Variants in ZNF839 observed in about 807,000 individuals in gnomAD.
ZNF839 encodes renal carcinoma antigen NY-REN-50.
A neutral mutation model predicts 56.4 loss-of-function variants in ZNF839; 38 were observed. The ratio of observed to expected loss-of-function variants is 0.67; its 90% CI spans 0.52 to 0.88. The LOEUF is 0.88. Ranked by LOEUF, ZNF839 falls within the 40% of genes least tolerant of loss-of-function variation. The probability of loss-of-function intolerance (pLI) is 0.00; values close to 1 mark genes in which losing one functional copy is unlikely to be tolerated. For missense variants in ZNF839, 1,091 were observed against 1,177.6 expected, an observed-to-expected ratio of 0.93 and a Z score of 1.08; for synonymous variants, 486 against 493.5, an observed-to-expected ratio of 0.98 and a Z score of 0.20.
chr14:102,335,296 G>C (rs2073965755), intron 4 of ZNF839: 1 of 179,380 alleles, frequency 5.6e-6, no homozygotes, highest in Admixed American at 5.8e-5. Flanking sequence ...GCCCCAGCTG[G>C]CCTCTTCTGC....
At chr14:102,320,277 G>C (rs1030026410) in intron 1 of ZNF839, among the ~76,000 whole-genome samples, 2 of 152,224 alleles carry the variant, frequency 1.3e-5, no homozygotes, top group Non-Finnish European at 2.9e-5. Flanking sequence ...GCTGGGCCCT[G>C]TGCCTGGAAC....
chr14:102,327,294 C>G (rs2073468960), intron 2 of ZNF839, among the ~76,000 whole-genome samples: 1 of 152,082 alleles, frequency 6.6e-6, no homozygotes, highest in Non-Finnish European at 1.5e-5. Flanking sequence ...GCGCCCACCA[C>G]CACGCCTGGC....
At position 102,339,120 on chromosome 14, in the gene ZNF839, G is replaced by A. The variant is rs201573850; in HGVS notation, c.1824G>A (p.Val608=). The A allele has an allele frequency of 8.2e-5, 132 of 1,613,702 alleles. No homozygotes were observed. Among genetic ancestry groups the A allele is most frequent in the Admixed American group, 3.5e-4 (21 of 59,944 alleles). Residue 608 remains valine (V), a synonymous_variant, in exon 7 of 8, where the codon GTG becomes GTA. Coordinates refer to ENST00000442396, the MANE Select transcript of ZNF839 (RefSeq NM_018335.6). The part of the protein sequence containing the change: ...REAAEEGLAS[V]KRPRREALSN... Reference sequence around the variant, plus strand: ...CTGCGGAGGAGGGACTGGCCTCAGTGAAAAGGCCCAGAAGAGAAGCCCTGT... The same window carrying A: ...CTGCGGAGGAGGGACTGGCCTCAGTAAAAAGGCCCAGAAGAGAAGCCCTGT...
Position 102,341,461 on chromosome 14 carries a change from G to C in ZNF839, c.2066G>C (p.Gly689Ala). 1 of 1,596,248 alleles carries C rather than the reference G, an allele frequency of 6.3e-7. No homozygotes were observed. Among genetic ancestry groups the C allele is most frequent in the Non-Finnish European group, 8.5e-7 (1 of 1,170,144 alleles). The change falls in exon 8 of 8, where the codon GGG (glycine) becomes GCG (alanine). Residue 689 changes from glycine (G) to alanine (A), a missense_variant. Gly to Ala is a moderately conservative substitution (Grantham distance 60). Transcript: ENST00000442396. The stretch of plus-strand genomic sequence containing the variant: ...CTGGCTAACTTAGAAGCCAGGAGGG[G>C]GTCTATAGGTGCTGCTCTCTCATCC... Reference protein sequence around the residue: ...QALANLEARRGSIGAALSSRD... With the variant: ...QALANLEARRASIGAALSSRD...
Position 102,341,934 on chromosome 14 carries a change from T to C in ZNF839, c.2539T>C (p.Phe847Leu). The change falls in exon 8 of 8, where the codon TTC (phenylalanine) becomes CTC (leucine). Residue 847 changes from phenylalanine to leucine, a missense_variant. Phe to Leu is a conservative substitution (Grantham distance 22, BLOSUM62 0). Coordinates refer to ENST00000442396, the MANE Select transcript of ZNF839 (RefSeq NM_018335.6). Reference sequence around the variant, plus strand: ...AAGCCTTTCGGGGGACTTGAACCGGTTCCCCTGTGGGATGGAGGTGCACTC... The same window carrying C: ...AAGCCTTTCGGGGGACTTGAACCGGCTCCCCTGTGGGATGGAGGTGCACTC... ...LRSLSGDLNR[F>L]PCGMEVHSGQ... The C allele has an allele frequency of 6.2e-7, 1 of 1,614,022 alleles. No individual in the cohort carries two copies. The highest frequency in any genetic ancestry group is 8.5e-7 in the Non-Finnish European group (1 of 1,179,882).
At chr14:102,339,044 C>A (rs144288122) in intron 6 of ZNF839, 50 bp from the exon 7 acceptor site, 1 of 1,613,078 alleles carries the variant, frequency 6.2e-7, no homozygotes, top group East Asian at 2.2e-5. Context: ...GAGGAGGTAG[C>A]GGTTTGCCTA....
chr14:102,326,659 A>G lies in ZNF839; in HGVS notation c.963A>G (p.Ser321=). Residue 321 remains serine (S), a synonymous_variant, in exon 2 of 8, where the codon TCA becomes TCG. Transcript: ENST00000442396. The surrounding 1 kb of genome is among the most constrained non-coding windows in gnomAD (Gnocchi z 4.3). ...KSFKCQTCEK[S]YIGKGGLARH... is the part of the protein sequence containing the mutation. ...TTAAGTGTCAGACTTGTGAAAAGTC[A>G]TATATAGGGAAGGGGGGACTGGCCC... 1 of 1,612,938 alleles carries G rather than the reference A, an allele frequency of 6.2e-7. No individual in the cohort carries two copies. The highest frequency in any genetic ancestry group is 8.5e-7 in the Non-Finnish European group (1 of 1,179,484).
At chr14:102,320,115 G>T in intron 1 of ZNF839, 62 bp downstream of exon 1, 1 of 1,122,540 alleles carries the variant, frequency 8.9e-7, no homozygotes, top group Non-Finnish European at 1.1e-6. Context: ...CCCCGCGGCG[G>T]GGTAGCTGCT....
chr14:102,340,274 C>CTT, intron 7 of ZNF839, among the ~76,000 whole-genome samples: 1 of 128,518 alleles, frequency 7.8e-6, no homozygotes, highest in Non-Finnish European at 1.7e-5. Context: ...CTACGCCAGC[C>CTT]TTTTTTTTTT....
At chr14:102,334,839 C>T (rs972979923) in intron 4 of ZNF839, 193 bp downstream of exon 4, 4 of 239,110 alleles carry the variant, frequency 1.7e-5, no homozygotes, top group Middle Eastern at 1.5e-3. Context: ...AACTGCTGGT[C>T]TCTAGCAATC....
chr14:102,338,875 C>A lies in ZNF839; in HGVS notation c.1719C>A (p.Asn573Lys), dbSNP rs748658294. The A allele has an allele frequency of 1.6e-5, 26 of 1,613,926 alleles. No individual in the cohort carries two copies. Among genetic ancestry groups the A allele is most frequent in the Non-Finnish European group, 2.2e-5 (26 of 1,179,890 alleles). The change falls in exon 6 of 8, where the codon AAC becomes AAA. Residue 573 changes from asparagine to lysine, a missense_variant. Around this residue, in one of 3 missense-constraint regions of ZNF839, gnomAD observed 431 missense variants for 468.0 expected, o/e 0.92. Coordinates refer to ENST00000442396, the MANE Select transcript of ZNF839 (RefSeq NM_018335.6). ...FLRKKEIHPDNLGPKHLSRDM... is the reference protein window; with the variant it reads ...FLRKKEIHPDKLGPKHLSRDM... ...GGAAGAAAGAAATACACCCAGACAA[C>A]CTTGGACCCAAGCACCTCAGCCGAG...
In ZNF839 at chr14:102,331,793, C is replaced by T. The variant is rs2139535554; in HGVS notation, c.1363C>T (p.Pro455Ser). The T allele has an allele frequency of 6.3e-7, 1 of 1,594,456 alleles. No homozygotes were observed. The highest frequency in any genetic ancestry group is 8.5e-7 in the Non-Finnish European group (1 of 1,171,346). ...AAGAGCTGCTCAGCTACCTGGTGGC[C>T]CTGCTGCGGCAGGGGAGCAGAGGGC... Reference protein sequence around the residue: ...QRRAAQLPGGPAAAGEQRASP... With the variant: ...QRRAAQLPGGSAAAGEQRASP... Residue 455 changes from proline (P) to serine (S), a missense_variant, in exon 3 of 8, where the codon CCT becomes TCT. By Grantham distance (74) the Pro-to-Ser change is moderately conservative (BLOSUM62 -1). Coordinates refer to ENST00000442396, the MANE Select transcript of ZNF839 (RefSeq NM_018335.6).
chr14:102,327,931 C>T (rs1393776322), intron 2 of ZNF839, among the ~76,000 whole-genome samples: 3 of 152,122 alleles, frequency 2.0e-5, no homozygotes, highest in Non-Finnish European at 2.9e-5. Flanking sequence ...CCTGGGGGTG[C>T]TTCTGGAGTG....
At chr14:102,320,153 G>T in intron 1 of ZNF839, 100 bp downstream of exon 1, 3 of 1,043,184 alleles carry the variant, frequency 2.9e-6, no homozygotes, top group South Asian at 4.6e-5. Context: ...ATCCGCCCGG[G>T]TTAAGACTCA....
chr14:102,337,406 T>G, intron 5 of ZNF839: 1 of 152,044 alleles, frequency 6.6e-6, no homozygotes, highest in African/African-American at 2.4e-5. Context: ...TGACCTCAAG[T>G]GATCCGCCCG....
At position 102,319,996 on chromosome 14, in the gene ZNF839, C is replaced by T. The variant is rs1374580521; in HGVS notation, c.231C>T (p.Ala77=). The part of the protein sequence containing the change: ...RRLRDAAQQA[A]LQRGRGTEPP... ...TGCGGGACGCGGCCCAACAGGCCGC[C>T]CTGCAGCGGGGCCGGGGCACCGAGC... The change falls in exon 1 of 8, where the codon GCC becomes GCT. Residue 77 remains alanine (A), a synonymous_variant. Transcript: ENST00000442396. The surrounding 1 kb of genome is among the most constrained non-coding windows in gnomAD (Gnocchi z 4.5). The T allele has an allele frequency of 2.6e-6, 3 of 1,173,930 alleles. No homozygotes were observed. In the African/African-American group the frequency reaches 4.8e-5, roughly 19 times the overall value. The allele number at this position is 1,173,930 out of a possible 1,614,324, so 72.7% of individuals were successfully genotyped here. A position where few individuals can be genotyped will look rare whatever the true frequency, so the allele number is the denominator to read the frequency against.
rs1403895105 is a variant in ZNF839 at position 102,341,606 on chromosome 14, C to T, written c.2211C>T (p.Thr737=). The T allele has an allele frequency of 6.2e-6, 10 of 1,613,818 alleles. No individual in the cohort carries two copies. The African/African-American group carries it at 1.2e-4, about 19-fold the overall frequency. Residue 737 remains threonine, a synonymous_variant, in exon 8 of 8, where the codon ACC becomes ACT. Coordinates refer to ENST00000442396, the MANE Select transcript of ZNF839 (RefSeq NM_018335.6). The part of the protein sequence containing the change: ...NALEHSSDQD[T]WDSLRSPGFC... ...TGGAACACTCTTCAGACCAGGACAC[C>T]TGGGACAGCCTGAGGAGCCCGGGTT...
At position 102,319,780 on chromosome 14, in the gene ZNF839, G is replaced by A. The variant is rs1057229660; in HGVS notation, c.15G>A (p.Glu5=). The change falls in exon 1 of 8, where the codon GAG becomes GAA. Residue 5 remains glutamate, a synonymous_variant. Transcript: ENST00000442396. This position sits in a 1 kb window ranked among gnomAD's most constrained non-coding sequence, Gnocchi z 4.5. Reference sequence around the variant, plus strand: ...CCTCGGCCGCCATGGCGGATGCGGAGCCGGAGGCTGGGGGCGGCAGCGAGG... The same window carrying A: ...CCTCGGCCGCCATGGCGGATGCGGAACCGGAGGCTGGGGGCGGCAGCGAGG... MADA[E]PEAGGGSEDG... is the part of the protein sequence containing the mutation. The A allele has an allele frequency of 8.1e-7, 1 of 1,231,860 alleles. No homozygotes were observed. Among genetic ancestry groups the A allele is most frequent in the Non-Finnish European group, 1.0e-6 (1 of 987,868 alleles). The allele number at this position is 1,231,860 out of a possible 1,614,324, so 76.3% of individuals were successfully genotyped here. A position where few individuals can be genotyped will look rare whatever the true frequency, so the allele number is the denominator to read the frequency against.
intron 2 of ZNF839, among the ~76,000 whole-genome samples, chr14:102,330,406 G>A (rs1294105208): frequency 6.6e-6 from 1 of 151,320 alleles, no homozygotes; most frequent in African/African-American, 2.4e-5. Context: ...CTAATTTTTT[G>A]TATTTTTAGT....
Sources: gnomAD v4.1 joint callset for allele counts (sites outside exome capture counted in the v4.1 genomes callset) on GRCh38, gnomAD v4.1.1 for gene constraint, gnomAD v4.1.1 regional missense constraint, Gnocchi (gnomAD v3.1) non-coding constraint, MANE v1.5 for transcripts, NCBI Gene and HGNC (gene_info 2026-07-23, HGNC 2026-07-21) for gene names.